Variants in GBP4 observed in about 807,000 individuals in gnomAD.
The protein encoded by GBP4 is guanylate binding protein 4.
GBP4 carries 69 observed loss-of-function variants against 62.2 expected under a neutral mutation model. That is an observed-to-expected ratio of 1.11 (90% confidence interval 0.91 to 1.36). The LOEUF is 1.36. Ranked by LOEUF, GBP4 falls within the 40% of genes most tolerant of loss-of-function variation. The pLI is 0.00. For missense variants in GBP4, 697 were observed against 759.3 expected (o/e 0.92, Z 0.96); for synonymous variants, 278 against 274.6 (o/e 1.01, Z -0.12).
chr1:89,196,241 A>G (rs985411673), intron 2 of GBP4, among the ~76,000 whole-genome samples: 2 of 152,232 alleles, frequency 1.3e-5, no homozygotes, highest in Non-Finnish European at 2.9e-5. Context: ...GAGGGTATAA[A>G]TAATGGGTAC....
chr1:89,197,371 G>A (rs1648376234), intron 1 of GBP4, 67 bp from the exon 2 acceptor site: 2 of 1,309,296 alleles, frequency 1.5e-6, no homozygotes, highest in African/African-American at 1.5e-5. Flanking sequence ...GGCTACCTAA[G>A]GCACATACAT....
intron 5 of GBP4, 30 bp downstream of exon 5, chr1:89,192,874 C>A (rs766868354): frequency 3.1e-6 from 5 of 1,603,398 alleles, no homozygotes; most frequent in South Asian, 2.2e-5. Flanking sequence ...CCCCACTGAA[C>A]CTTCCCACAT....
intron 5 of GBP4, 134 bp from the exon 6 acceptor site, chr1:89,191,640 C>G (rs905663337): frequency 4.6e-6 from 4 of 871,018 alleles, no homozygotes; most frequent in Non-Finnish European, 6.9e-6. Context: ...TCATACAAAA[C>G]AGCCTTGTGC....
chr1:89,188,594 T>G lies in GBP4; in HGVS notation c.1398A>C (p.Arg466Ser). 6.2e-7 allele frequency: 1 copy of G among 1,613,850 alleles called. No individual in the cohort carries two copies. The highest frequency in any genetic ancestry group is 8.5e-7 in the Non-Finnish European group (1 of 1,179,690). The change falls in exon 8 of 11, where the codon AGA (arginine) becomes AGC (serine). Residue 466 changes from arginine to serine, a missense_variant. This residue lies in a region of GBP4 where 556 missense variants were observed against 562.7 expected (regional missense o/e 0.99). Coordinates refer to ENST00000355754, the MANE Select transcript of GBP4 (RefSeq NM_052941.5). ...QVEWDYKLVP[R>S]KGVKANEVLQ... Reference sequence around the variant, plus strand: ...CCCTTTTCCTCACCTTAACTCCTTTTCTGGGCACTAGCTTATAGTCCCACT... The same window carrying G: ...CCCTTTTCCTCACCTTAACTCCTTTGCTGGGCACTAGCTTATAGTCCCACT...
Position 89,184,840 on chromosome 1 carries a change from T to C in GBP4, c.*414A>G, listed in dbSNP as rs149700649. On this transcript the variant is annotated 3_prime_UTR_variant, in exon 11 of 11. Coordinates refer to ENST00000355754, the MANE Select transcript of GBP4 (RefSeq NM_052941.5). ...TGTAACAAACCTGCACATATACCCC[T>C]GAATCTAAAATAAAAGTTAAAAAAA... is the stretch of plus-strand genomic sequence containing the variant. 77 of 156,256 alleles carry C rather than the reference T, an allele frequency of 4.9e-4. No individual in the cohort carries two copies. The East Asian group carries it at 0.014, about 28-fold the overall frequency. The allele number at this position is 156,256 out of a possible 1,614,324, so 9.7% of individuals were successfully genotyped here.
chr1:89,186,551 G>A (rs1395781355), intron 9 of GBP4, 25 bp from the exon 10 acceptor site: 2 of 1,605,212 alleles, frequency 1.2e-6, no homozygotes, highest in Non-Finnish European at 1.7e-6. Context: ...TTTTAGAGAG[G>A]GAAGAAAATG....
chr1:89,189,906 T>C, intron 7 of GBP4, 132 bp downstream of exon 7: 1 of 815,640 alleles, frequency 1.2e-6, no homozygotes, highest in Non-Finnish European at 1.9e-6. Flanking sequence ...CTATAGCCCA[T>C]AGAGCCCTGT....
At chr1:89,195,806 T>TA (rs1046767379) in intron 2 of GBP4, among the ~76,000 whole-genome samples, 31 of 150,506 alleles carry the variant, frequency 2.1e-4, no homozygotes, top group African/African-American at 7.6e-4. Flanking sequence ...AAAAATAATT[T>TA]AAAAAAAAAG....
At position 89,191,310 on chromosome 1, in the gene GBP4, G is replaced by C. The variant is rs1328719753; in HGVS notation, c.867C>G (p.Thr289=). ...CTCTCAGGGTCTTGGTCTTTGCATG[G>C]GTGAAGATATAAGAACAGAAGTTGT... ...QSDNFCSYIF[T]HAKTKTLREG... Residue 289 remains threonine, a synonymous_variant, in exon 6 of 11, where the codon ACC becomes ACG. Coordinates refer to ENST00000355754, the MANE Select transcript of GBP4 (RefSeq NM_052941.5). 1.9e-6 allele frequency: 3 copies of C among 1,614,014 alleles called. No homozygotes were observed. The highest frequency in any genetic ancestry group is 2.5e-6 in the Non-Finnish European group (3 of 1,180,006).
At chr1:89,190,898 T>C (rs1252857499) in intron 6 of GBP4, among the ~76,000 whole-genome samples, 1 of 152,136 alleles carries the variant, frequency 6.6e-6, no homozygotes, top group East Asian at 1.9e-4. Context: ...CTCAATGAGC[T>C]TGCATGGAAC....
chr1:89,189,726 T>A (rs1266575446), intron 7 of GBP4, among the ~76,000 whole-genome samples: 1 of 152,258 alleles, frequency 6.6e-6, no homozygotes, highest in African/African-American at 2.4e-5. Flanking sequence ...TTTGACACCT[T>A]GTTTTCAGCC....
In GBP4 at chr1:89,195,302, C is replaced by G. The variant is rs757437413; in HGVS notation, c.358G>C (p.Glu120Gln). The G allele has an allele frequency of 3.2e-5, 52 of 1,613,758 alleles. No homozygotes were observed. The highest frequency in any genetic ancestry group is 4.2e-5 in the Non-Finnish European group (49 of 1,179,772). The change falls in exon 3 of 11, where the codon GAA becomes CAA. Residue 120 changes from glutamate to glutamine, a missense_variant. Physicochemically the swap from Glu to Gln is conservative, Grantham distance 29. Coordinates refer to ENST00000355754, the MANE Select transcript of GBP4 (RefSeq NM_052941.5). ...LLDTEGLGDVEKSNPKNDSWI... is the reference protein window; with the variant it reads ...LLDTEGLGDVQKSNPKNDSWI... ...GTGAAGTTTCTCTGCCTTACCTTTTCTACATCGCCCAGGCCCTCGGTGTCC... is the reference window on the plus strand; with the variant it reads ...GTGAAGTTTCTCTGCCTTACCTTTTGTACATCGCCCAGGCCCTCGGTGTCC...
intron 1 of GBP4, 27 bp downstream of exon 1, chr1:89,198,768 A>C: frequency 1.9e-6 from 3 of 1,598,802 alleles, no homozygotes; most frequent in Non-Finnish European, 2.6e-6. Flanking sequence ...AATATACTTG[A>C]AAGGTAAAGC....
intron 3 of GBP4, 26 bp downstream of exon 3, chr1:89,195,271 T>C (rs201705481): frequency 1.9e-6 from 3 of 1,611,924 alleles, no homozygotes; most frequent in African/African-American, 1.3e-5. Flanking sequence ...AGGTCAACCA[T>C]GAGCGGTGAA....
intron 3 of GBP4, among the ~76,000 whole-genome samples, chr1:89,193,908 A>G (rs1237925440): frequency 3.9e-5 from 6 of 152,242 alleles, no homozygotes; most frequent in South Asian, 2.1e-4. Flanking sequence ...CAGAATAATA[A>G]TCACTGCTGG....
intron 8 of GBP4, among the ~76,000 whole-genome samples, chr1:89,187,930 T>C (rs1339783633): frequency 6.6e-6 from 1 of 152,158 alleles, no homozygotes; most frequent in African/African-American, 2.4e-5. Context: ...AGGACAAAAG[T>C]TTCCTCAAAA....
intron 2 of GBP4, among the ~76,000 whole-genome samples, chr1:89,196,603 A>G (rs982005217): frequency 1.3e-5 from 2 of 152,220 alleles, no homozygotes; most frequent in South Asian, 2.1e-4. Flanking sequence ...TTTATGTGTC[A>G]TAGTTCACAT....
At chr1:89,195,767 G>C (rs1470539772) in intron 2 of GBP4, among the ~76,000 whole-genome samples, 1 of 151,732 alleles carries the variant, frequency 6.6e-6, no homozygotes, top group Non-Finnish European at 1.5e-5. Context: ...TTAAAAGTCA[G>C]TAAGAACCAA....
Position 89,191,382 on chromosome 1 carries a change from G to T in GBP4, c.795C>A (p.Asp265Glu). 1 of 1,614,156 alleles carries T rather than the reference G, an allele frequency of 6.2e-7. No individual in the cohort carries two copies. The highest frequency in any genetic ancestry group is 8.5e-7 in the Non-Finnish European group (1 of 1,180,014). The stretch of plus-strand genomic sequence containing the variant: ...TTTCCAGATTTTCTTCTGGCACTTC[G>T]TCCATATGATTTAAATATTGCTTGT... ...TNDKQYLNHM[D>E]EVPEENLERH... Residue 265 changes from aspartate to glutamate, a missense_variant, in exon 6 of 11, where the codon GAC becomes GAA. Asp to Glu is a conservative substitution (Grantham distance 45). Coordinates refer to ENST00000355754, the MANE Select transcript of GBP4 (RefSeq NM_052941.5).
Sources: gnomAD v4.1 joint callset for allele counts (sites outside exome capture counted in the v4.1 genomes callset) on GRCh38, gnomAD v4.1.1 for gene constraint, gnomAD v4.1.1 regional missense constraint, MANE v1.5 for transcripts, NCBI Gene and HGNC (gene_info 2026-07-23, HGNC 2026-07-21) for gene names.